PLOD1: variants seen among roughly 807,000 people sequenced by gnomAD.
The protein encoded by PLOD1 is procollagen-lysine,2-oxoglutarate 5-dioxygenase 1.
In PLOD1, 70 loss-of-function variants were observed where a neutral mutation model predicts 94.7. The observed-to-expected ratio is 0.74, with a 90% CI of 0.61 to 0.90. The LOEUF is 0.90. Among genes scored for constraint, PLOD1 ranks in the 40% least tolerant of loss-of-function variants. The probability of loss-of-function intolerance (pLI) is 0.00; values close to 1 mark genes in which losing one functional copy is unlikely to be tolerated. For synonymous variants in PLOD1, 417 were observed against 400.2 expected (o/e 1.04, Z -0.50); for missense variants, 905 against 972.7 (o/e 0.93, Z 0.93).
chr1:11,944,451 ACACT>A lies in PLOD1; in HGVS notation c.77-3517_77-3514del, dbSNP rs1375534390. ...CACACACACACACACACACACACAC[ACACT>A]CACTCACATGCTCTCACGCTGGCTT... is the stretch of plus-strand genomic sequence containing the variant. On this transcript the variant is annotated intron_variant, in intron 1 of 18. Coordinates refer to ENST00000196061, the MANE Select transcript of PLOD1 (RefSeq NM_000302.4). The A allele has an allele frequency of 2.4e-4, 233 of 958,658 alleles. 1 individual carries two copies. The highest frequency in any genetic ancestry group is 1.8e-3 in the East Asian group (30 of 16,514). 59.4% of individuals were successfully genotyped at this position (958,658 alleles called of 1,614,324 possible).
At chr1:11,944,657 G>A in intron 1 of PLOD1, 4 of 1,354,110 alleles carry the variant, frequency 3.0e-6, no homozygotes, top group Non-Finnish European at 3.9e-6. Context: ...TGGATCCCAG[G>A]TTCAGGTAGT....
Position 11,949,912 on chromosome 1 carries a change from T to TCTTTGCA in PLOD1, c.302+6_302+7insCTTTGCA. The TCTTTGCA allele has an allele frequency of 6.2e-7, 1 of 1,613,744 alleles. No individual in the cohort carries two copies. Among genetic ancestry groups the TCTTTGCA allele is most frequent in the South Asian group, 1.1e-5 (1 of 91,066 alleles). ...GTCATTCTCTTCGCAGACAGGTAGGTGGGTCAGGGCTTCCTAGCCTGGGCC... is the reference window on the plus strand; with the variant it reads ...GTCATTCTCTTCGCAGACAGGTAGGTCTTTGCAGGGTCAGGGCTTCCTAGCCTGGGCC... On this transcript the variant is annotated splice_region_variant and intron_variant, in intron 3 of 18. Coordinates refer to ENST00000196061, the MANE Select transcript of PLOD1 (RefSeq NM_000302.4).
At chr1:11,974,024 C>A (rs1645884929) in intron 18 of PLOD1, among the ~76,000 whole-genome samples, 1 of 152,068 alleles carries the variant, frequency 6.6e-6, no homozygotes, top group South Asian at 2.1e-4. Context: ...GAAGCTTGAT[C>A]CTCAGCTCTC....
chr1:11,965,634 G>A (rs754281247), intron 14 of PLOD1, 41 bp downstream of exon 14: 7 of 1,220,274 alleles, frequency 5.7e-6, no homozygotes, highest in Non-Finnish European at 8.5e-6. Flanking sequence ...GAGCAAAGGG[G>A]CCCAGTGATC....
intron 16 of PLOD1, among the ~76,000 whole-genome samples, chr1:11,969,155 T>C (rs1388779205): frequency 6.6e-6 from 1 of 151,464 alleles, no homozygotes; most frequent in Non-Finnish European, 1.5e-5. Flanking sequence ...GCCTGGCTAA[T>C]TTTTGTATTT....
intron 6 of PLOD1, 83 bp downstream of exon 6, chr1:11,954,976 A>T (rs1014504877): frequency 1.2e-4 from 131 of 1,082,924 alleles, no homozygotes; most frequent in Non-Finnish European, 1.6e-4. Flanking sequence ...CAGGGAGGAG[A>T]AATGGGCTGC....
At chr1:11,964,070 C>T in intron 11 of PLOD1, 105 bp from the exon 12 acceptor site, 1 of 1,173,312 alleles carries the variant, frequency 8.5e-7, no homozygotes, top group Non-Finnish European at 1.3e-6. Flanking sequence ...CTTGGGGATC[C>T]CTGCGTGCAG....
At chr1:11,946,350 G>A (rs978799930) in intron 1 of PLOD1, among the ~76,000 whole-genome samples, 2 of 152,186 alleles carry the variant, frequency 1.3e-5, no homozygotes, top group African/African-American at 4.8e-5. Context: ...CCACACTACA[G>A]AGCCTGGGAG....
At chr1:11,938,888 TG>T (rs1204297417) in intron 1 of PLOD1, among the ~76,000 whole-genome samples, 3 of 152,050 alleles carry the variant, frequency 2.0e-5, no homozygotes, top group East Asian at 1.9e-4. Flanking sequence ...TGCGCCATCC[TG>T]GGGGGGCTTC....
chr1:11,972,778 G>A lies in PLOD1; in HGVS notation c.1903-94G>A, dbSNP rs946961213. On this transcript the variant is annotated intron_variant, in intron 17 of 18. Coordinates refer to ENST00000196061, the MANE Select transcript of PLOD1 (RefSeq NM_000302.4). The surrounding 1 kb of genome is among the most constrained non-coding windows in gnomAD (Gnocchi z 4.6). ...GGCCCCTGTAAGCTGACCTGCAGCA[G>A]GCCAGACCAGGCCCCATGTGTGCAC... The A allele has an allele frequency of 4.7e-5, 68 of 1,437,110 alleles. No individual in the cohort carries two copies. The highest frequency in any genetic ancestry group is 6.2e-5 in the Non-Finnish European group (63 of 1,020,852). The allele number at this position is 1,437,110 out of a possible 1,614,324, so 89.0% of individuals were successfully genotyped here. A position where few individuals can be genotyped will look rare whatever the true frequency, so the allele number is the denominator to read the frequency against.
At chr1:11,944,720 C>T (rs1200106761) in intron 1 of PLOD1, 39 of 1,208,694 alleles carry the variant, frequency 3.2e-5, no homozygotes, top group Non-Finnish European at 4.2e-5. Context: ...CCTCCCCCAG[C>T]ACCGCAGCTA....
At chr1:11,952,764 G>C (rs752959284) in intron 5 of PLOD1, 29 bp downstream of exon 5, 3 of 1,503,974 alleles carry the variant, frequency 2.0e-6, no homozygotes, top group South Asian at 2.3e-5. Flanking sequence ...GCCAAGGAGA[G>C]GGGGCTGGGG....
At chr1:11,949,095 C>T (rs1298913701) in intron 2 of PLOD1, among the ~76,000 whole-genome samples, 3 of 152,148 alleles carry the variant, frequency 2.0e-5, no homozygotes, top group Non-Finnish European at 2.9e-5. Context: ...TTGTTTTAAT[C>T]GTGGTGGCAA....
Position 11,974,817 on chromosome 1 carries a change from G to A in PLOD1, c.*9G>A, listed in dbSNP as rs369501908. ...CCTTCGTCGATCCCTAATTGGCCAG[G>A]CCTGACCCTCTTGGACCTTTCTTCT... On this transcript the variant is annotated 3_prime_UTR_variant, in exon 19 of 19. Transcript: ENST00000196061. The A allele has an allele frequency of 3.7e-6, 6 of 1,613,924 alleles. No homozygotes were observed. Among genetic ancestry groups the A allele is most frequent in the Admixed American group, 1.7e-5 (1 of 60,000 alleles).
rs3047221 is a variant in PLOD1, at chr1:11,972,209, CCT to C, written c.1903-644_1903-643del. 0.47 allele frequency: 68,280 copies of C among 146,792 alleles called. 15,968 individuals carry two copies. Among genetic ancestry groups the C allele is most frequent in the East Asian group, 0.64 (3,195 of 5,026 alleles). The allele number at this position is 146,792 out of a possible 1,614,324, so 9.1% of individuals were successfully genotyped here. A position where few individuals can be genotyped will look rare whatever the true frequency, so the allele number is the denominator to read the frequency against. ...CCTTTCTTCCCTTCCTTCCTTCCTT[CCT>C]CTCTCTCTCTCTCTCTCTTTCTTTC... On this transcript the variant is annotated intron_variant, in intron 17 of 18. Coordinates refer to ENST00000196061, the MANE Select transcript of PLOD1 (RefSeq NM_000302.4). This position sits in a 1 kb window ranked among gnomAD's most constrained non-coding sequence, Gnocchi z 4.6.
At chr1:11,956,800 A>T (rs1441028728) in intron 6 of PLOD1, 117 bp from the exon 7 acceptor site, 7 of 764,920 alleles carry the variant, frequency 9.2e-6, no homozygotes, top group Non-Finnish European at 1.5e-5. Context: ...GAGAGAAGTG[A>T]CTTGCCCGAG....
At chr1:11,956,826 C>A in intron 6 of PLOD1, 91 bp from the exon 7 acceptor site, 1 of 824,114 alleles carries the variant, frequency 1.2e-6, no homozygotes, top group Non-Finnish European at 2.2e-6. Flanking sequence ...AATCTACTCA[C>A]TGCACAGCTG....
At chr1:11,954,711 G>A (rs12130493) in intron 5 of PLOD1, 119 bp from the exon 6 acceptor site, 1 of 829,018 alleles carries the variant, frequency 1.2e-6, no homozygotes, top group Admixed American at 1.7e-5. Context: ...TGACGTGGCA[G>A]AGTCGGTGTG....
Position 11,949,852 on chromosome 1 carries a change from A to G in PLOD1, c.248A>G (p.Lys83Arg). ...GGGQKVRLLK[K>R]ALEKHADKED... is the part of the protein sequence containing the mutation. ...GGGCAGAAGGTCCGGCTGCTGAAGAAAGCTCTGGAGAAGCACGCAGACAAG... is the reference window on the plus strand; with the variant it reads ...GGGCAGAAGGTCCGGCTGCTGAAGAGAGCTCTGGAGAAGCACGCAGACAAG... The change falls in exon 3 of 19, where the codon AAA (lysine) becomes AGA (arginine). Residue 83 changes from lysine to arginine, a missense_variant. Lys to Arg is a conservative substitution (Grantham distance 26, BLOSUM62 2). Transcript: ENST00000196061. The G allele has an allele frequency of 1.2e-6, 2 of 1,614,142 alleles. No homozygotes were observed. Among genetic ancestry groups the G allele is most frequent in the Non-Finnish European group, 8.5e-7 (1 of 1,179,994 alleles).
Sources: allele counts gnomAD v4.1 joint callset (sites outside exome capture counted in the v4.1 genomes callset), GRCh38; gene constraint gnomAD v4.1.1; non-coding constraint Gnocchi (gnomAD v3.1); transcripts MANE v1.5; gene names NCBI Gene and HGNC (gene_info 2026-07-23, HGNC 2026-07-21).